Variants in ABCA13 observed in about 807,000 individuals in gnomAD.
ABCA13 encodes the protein ATP binding cassette subfamily A member 13, also known as ATP-binding cassette sub-family A member 13.
Under a neutral mutation model 478.7 loss-of-function variants are expected in ABCA13, and 476 were observed. The ratio of observed to expected loss-of-function variants is 0.99; its 90% CI spans 0.92 to 1.07. ABCA13 has a LOEUF of 1.07. ABCA13 is among the 50% of genes least tolerant of loss of function. ABCA13 has a pLI of 0.00. For missense variants in ABCA13, 6,060 were observed against 5,910.6 expected (o/e 1.03, Z -0.83); for synonymous variants, 2,252 against 2,158.9 (o/e 1.04, Z -1.20).
intron 6 of ABCA13, among the ~76,000 whole-genome samples, chr7:48,227,996 C>G (rs1788482620): frequency 6.6e-6 from 1 of 152,212 alleles, no homozygotes; most frequent in Non-Finnish European, 1.5e-5. Flanking sequence ...TTGGGAGCAT[C>G]CCTTCCCGTG....
chr7:48,379,506 A>G (rs1422841085), intron 35 of ABCA13, among the ~76,000 whole-genome samples: 1 of 152,220 alleles, frequency 6.6e-6, no homozygotes, highest in Non-Finnish European at 1.5e-5. Context: ...AAACTAATTT[A>G]TAGTAAGTTC....
intron 3 of ABCA13, among the ~76,000 whole-genome samples, chr7:48,210,456 T>C (rs562421145): frequency 1.3e-5 from 2 of 152,286 alleles, no homozygotes; most frequent in South Asian, 2.1e-4. Context: ...TTTAAAACTT[T>C]TGTGATGTAG....
chr7:48,485,769 A>C (rs1829236924), intron 47 of ABCA13, among the ~76,000 whole-genome samples: 1 of 152,156 alleles, frequency 6.6e-6, no homozygotes, highest in Admixed American at 6.5e-5. Flanking sequence ...TGGGCTGTGC[A>C]TAACAGATGG....
intron 41 of ABCA13, among the ~76,000 whole-genome samples, chr7:48,422,600 G>A (rs562231943): frequency 1.3e-5 from 2 of 152,104 alleles, no homozygotes; most frequent in East Asian, 1.9e-4. Context: ...ACTTACCAAC[G>A]TCTCCTGTTC....
chr7:48,314,270 T>C lies in ABCA13; in HGVS notation c.9720T>C (p.Gly3240=). The C allele has an allele frequency of 6.2e-7, 1 of 1,613,564 alleles. No homozygotes were observed. Among genetic ancestry groups the C allele is most frequent in the East Asian group, 2.2e-5 (1 of 44,864 alleles). Residue 3240 remains glycine (G), a synonymous_variant, in exon 26 of 62, where the codon GGT becomes GGC. Transcript: ENST00000435803. ...TCCAGGCCAGAAGTTCAGCTTTTGG[T>C]TCTTTCCAGTTTGTGATGAAGATGG... is the stretch of plus-strand genomic sequence containing the variant. ...QNVQARSSAF[G]SFQFVMKMVC...
At chr7:48,567,402 T>C (rs900406678) in intron 55 of ABCA13, among the ~76,000 whole-genome samples, 7 of 152,198 alleles carry the variant, frequency 4.6e-5, no homozygotes, top group Non-Finnish European at 8.8e-5. Flanking sequence ...TATCTTTATA[T>C]GTTTTAGAAC....
At chr7:48,215,983 A>G (rs1786412727) in intron 3 of ABCA13, among the ~76,000 whole-genome samples, 1 of 152,178 alleles carries the variant, frequency 6.6e-6, no homozygotes, top group African/African-American at 2.4e-5. Flanking sequence ...CCTTGTATAG[A>G]TACAGGACAG....
chr7:48,531,001 C>T (rs1833192162), intron 55 of ABCA13, among the ~76,000 whole-genome samples: 1 of 152,108 alleles, frequency 6.6e-6, no homozygotes. Flanking sequence ...AATTAAGTCC[C>T]ATCTGTTTAT....
intron 42 of ABCA13, among the ~76,000 whole-genome samples, chr7:48,444,062 G>T (rs997062245): frequency 2.0e-5 from 3 of 152,068 alleles, no homozygotes; most frequent in Non-Finnish European, 4.4e-5. Flanking sequence ...CCTAGGTGAG[G>T]CTGATTTCTT....
intron 29 of ABCA13, among the ~76,000 whole-genome samples, chr7:48,343,097 C>G (rs1296783829): frequency 6.6e-6 from 1 of 150,420 alleles, no homozygotes; most frequent in African/African-American, 2.4e-5. Context: ...CTATTTTTCT[C>G]TTGCTTTTTT....
intron 43 of ABCA13, among the ~76,000 whole-genome samples, chr7:48,457,070 A>T (rs1825755969): frequency 6.6e-6 from 1 of 152,114 alleles, no homozygotes; most frequent in South Asian, 2.1e-4. Flanking sequence ...GGTGGTAGTT[A>T]TATGTATAAT....
chr7:48,511,436 C>T (rs1044912230), intron 51 of ABCA13, among the ~76,000 whole-genome samples: 6 of 152,160 alleles, frequency 3.9e-5, no homozygotes, highest in African/African-American at 1.4e-4. Flanking sequence ...CAGACAGGCC[C>T]TTGAGCTGTT....
chr7:48,200,237 G>C (rs1798480732), intron 3 of ABCA13, among the ~76,000 whole-genome samples: 1 of 151,974 alleles, frequency 6.6e-6, no homozygotes, highest in South Asian at 2.1e-4. Context: ...CACGGTGGCA[G>C]ATGCCTGTAA....
intron 42 of ABCA13, among the ~76,000 whole-genome samples, chr7:48,434,388 G>A (rs1032451260): frequency 4.0e-5 from 6 of 151,762 alleles, no homozygotes; most frequent in African/African-American, 1.4e-4. Context: ...ACTTGTAGAA[G>A]TTCGTTGTTT....
intron 40 of ABCA13, among the ~76,000 whole-genome samples, chr7:48,411,699 G>T (rs1159432704): frequency 2.6e-5 from 4 of 152,194 alleles, no homozygotes; most frequent in African/African-American, 7.2e-5. Context: ...AGCAAGTGGA[G>T]TCTGGCCCGA....
At chr7:48,606,788 T>A (rs1397334371) in intron 58 of ABCA13, among the ~76,000 whole-genome samples, 1 of 152,144 alleles carries the variant, frequency 6.6e-6, no homozygotes, top group Admixed American at 6.5e-5. Context: ...GACAGGGACG[T>A]TTAAGTCTGC....
chr7:48,215,673 A>G (rs907543701), intron 3 of ABCA13, among the ~76,000 whole-genome samples: 2 of 152,208 alleles, frequency 1.3e-5, no homozygotes, highest in Non-Finnish European at 2.9e-5. Flanking sequence ...GAGCTGGGCA[A>G]CCATCATCAC....
chr7:48,242,486 GA>G (rs1462226072), intron 10 of ABCA13, among the ~76,000 whole-genome samples: 1 of 152,088 alleles, frequency 6.6e-6, no homozygotes, highest in Non-Finnish European at 1.5e-5. Context: ...TGCCCAGGCT[GA>G]AGTGCAATGG....
At chr7:48,373,480 A>G (rs1301979529) in intron 33 of ABCA13, among the ~76,000 whole-genome samples, 1 of 152,212 alleles carries the variant, frequency 6.6e-6, no homozygotes, top group Non-Finnish European at 1.5e-5. Context: ...CACAACAAAG[A>G]TATACATACA....
Sources: allele counts gnomAD v4.1 joint callset (sites outside exome capture counted in the v4.1 genomes callset), GRCh38; gene constraint gnomAD v4.1.1; transcripts MANE v1.5; gene names NCBI Gene and HGNC (gene_info 2026-07-23, HGNC 2026-07-21).